Variants in TTC6 observed in about 807,000 individuals in gnomAD.
TTC6 encodes the protein tetratricopeptide repeat domain 6.
A neutral mutation model predicts 210.4 loss-of-function variants in TTC6; 172 were observed. The ratio of observed to expected loss-of-function variants is 0.82; its 90% CI spans 0.72 to 0.93. The LOEUF (loss-of-function observed/expected upper bound fraction) is 0.93, where lower values mean the gene tolerates loss of function less well. Among genes scored for constraint, TTC6 ranks in the 40% least tolerant of loss-of-function variants. The pLI is 0.00. For synonymous variants in TTC6, 804 were observed against 819.6 expected (o/e 0.98, Z 0.32); for missense variants, 2,414 against 2,318.1 (o/e 1.04, Z -0.85).
At position 37,735,982 on chromosome 14, in the gene TTC6, T is replaced by C. The variant is rs868256388; in HGVS notation, c.1880T>C (p.Leu627Ser). Residue 627 changes from leucine to serine, a missense_variant, in exon 8 of 31, where the codon TTA becomes TCA. Transcript: ENST00000553443. ...TCATATAAAAGCAGTGTCATTACTT[T>C]ACATCAACATAGCAGAACAAATTTT... is the stretch of plus-strand genomic sequence containing the variant. 30 of 1,533,854 alleles carry C rather than the reference T, an allele frequency of 2.0e-5. No individual in the cohort carries two copies. In the African/African-American group the frequency reaches 2.9e-4, roughly 15 times the overall value.
chr14:37,624,918 G>C (rs2095657722), intron 1 of TTC6, among the ~76,000 whole-genome samples: 1 of 152,006 alleles, frequency 6.6e-6, no homozygotes, highest in Non-Finnish European at 1.5e-5. Context: ...ACTGCGCCCG[G>C]CCCCACTTGT....
chr14:37,805,803 C>T (rs745460662), intron 21 of TTC6, among the ~76,000 whole-genome samples: 12 of 152,186 alleles, frequency 7.9e-5, no homozygotes, highest in African/African-American at 1.4e-4. Flanking sequence ...CAGTTTCAAG[C>T]GATTCTCCTG....
chr14:37,837,292 T>A (rs1010030597), intron 29 of TTC6: 2 of 399,558 alleles, frequency 5.0e-6, no homozygotes, highest in Non-Finnish European at 9.9e-6. Context: ...AATTTATTGG[T>A]GAATTAAAAT....
chr14:37,723,467 T>C (rs754188464), intron 6 of TTC6, among the ~76,000 whole-genome samples: 8 of 152,206 alleles, frequency 5.3e-5, no homozygotes, highest in Non-Finnish European at 1.0e-4. Context: ...ATATGAGTTC[T>C]TACTGATGCA....
At chr14:37,643,357 A>G (rs2095695757) in intron 1 of TTC6, among the ~76,000 whole-genome samples, 2 of 152,084 alleles carry the variant, frequency 1.3e-5, no homozygotes, top group South Asian at 4.1e-4. Context: ...AAAACAAACA[A>G]AAAAGAATTC....
At chr14:37,622,186 C>T (rs942876543) in exon 1 of TTC6, 1 of 1,535,564 alleles carries the variant, frequency 6.5e-7, no homozygotes, top group Admixed American at 2.0e-5. Flanking sequence ...CAGAAGTTGG[C>T]CTCCAAGCCG....
At chr14:37,792,282 T>C in exon 17 of TTC6, 2 of 1,515,134 alleles carry the variant, frequency 1.3e-6, no homozygotes, top group Non-Finnish European at 1.8e-6. Context: ...CTTTGGCTTA[T>C]GTAAATATTG....
intron 20 of TTC6, among the ~76,000 whole-genome samples, chr14:37,800,685 CAGT>C (rs1466217594): frequency 6.6e-6 from 1 of 152,122 alleles, no homozygotes; most frequent in East Asian, 1.9e-4. Context: ...GGCATCTCAG[CAGT>C]AGGCCGAAGT....
rs559109773 is a variant in TTC6, at chr14:37,695,349, A to T, written c.1258-1368A>T. On this transcript the variant is annotated intron_variant, in intron 3 of 30. Coordinates refer to ENST00000553443, the Ensembl canonical transcript of TTC6. The stretch of plus-strand genomic sequence containing the variant: ...CACAACAGGGTGACTATAGTCAGTA[A>T]TTATTTATTTATTTATTTATTTGAG... Among the ~76,000 whole-genome samples the T allele has an allele frequency of 4.4e-4, 67 of 151,878 alleles. 2 individuals are homozygous for T. Among genetic ancestry groups the T allele is most frequent in the Admixed American group, 3.6e-3 (55 of 15,226 alleles).
chr14:37,768,652 G>C (rs2096007223), intron 14 of TTC6, among the ~76,000 whole-genome samples: 2 of 150,528 alleles, frequency 1.3e-5, no homozygotes, highest in African/African-American at 4.9e-5. Context: ...CATTGATTTT[G>C]TATCCTGAGA....
At chr14:37,830,222 C>A (rs895782173) in intron 29 of TTC6, among the ~76,000 whole-genome samples, 1 of 152,006 alleles carries the variant, frequency 6.6e-6, no homozygotes, top group Non-Finnish European at 1.5e-5. Context: ...TGATGCAAAA[C>A]GGATTTTCTT....
chr14:37,651,398 TATATATATATATATATATATATATATA>T (rs1484098155), intron 1 of TTC6, among the ~76,000 whole-genome samples: 1 of 19,382 alleles, frequency 5.2e-5, no homozygotes, highest in African/African-American at 3.0e-4. Flanking sequence ...TATATATATA[TATATATATATATATATATATATATATA>T]TTTTTTTTTT....
At chr14:37,781,808 G>T (rs1162979963) in intron 14 of TTC6, among the ~76,000 whole-genome samples, 1 of 152,146 alleles carries the variant, frequency 6.6e-6, no homozygotes, top group Non-Finnish European at 1.5e-5. Flanking sequence ...TTTGTATAAG[G>T]TGTAAGGAAG....
At chr14:37,766,901 C>G (rs999228493) in intron 14 of TTC6, among the ~76,000 whole-genome samples, 2 of 152,122 alleles carry the variant, frequency 1.3e-5, no homozygotes, top group African/African-American at 4.8e-5. Context: ...ACTGCACCCA[C>G]TAACTCGTCA....
At chr14:37,762,821 T>C (rs1478933806) in intron 14 of TTC6, among the ~76,000 whole-genome samples, 2 of 152,148 alleles carry the variant, frequency 1.3e-5, no homozygotes, top group African/African-American at 4.8e-5. Context: ...CTTGTGTTAC[T>C]AGGATTAATC....
intron 30 of TTC6, 72 bp from the exon 33 acceptor site, chr14:37,842,081 ATT>A: frequency 7.8e-7 from 1 of 1,288,606 alleles, no homozygotes; most frequent in Non-Finnish European, 1.0e-6. Flanking sequence ...TTCTTATCCA[ATT>A]TTTTTTTGTA....
Position 37,631,543 on chromosome 14 carries a change from C to T in TTC6, c.939+8540C>T, listed in dbSNP as rs185437954. On this transcript the variant is annotated intron_variant, in intron 1 of 30. Transcript: ENST00000553443. ...AACCTTTCTGTCTGGCTGCCCTTAA[C>T]ATTTTTTCCTTCATTTCAACCTTGA... 2.6e-5 allele frequency among the ~76,000 whole-genome samples: 4 copies of T among 152,298 alleles called. No homozygotes were observed. In the East Asian group the frequency reaches 7.7e-4, roughly 29 times the overall value.
intron 6 of TTC6, among the ~76,000 whole-genome samples, chr14:37,716,802 C>A (rs1411916370): frequency 6.6e-6 from 1 of 152,024 alleles, no homozygotes; most frequent in Non-Finnish European, 1.5e-5. Flanking sequence ...CCTCATCAAC[C>A]AGTAGGTTCC....
At chr14:37,714,705 T>C in exon 6 of TTC6, 1 of 1,535,664 alleles carries the variant, frequency 6.5e-7, no homozygotes, top group Non-Finnish European at 8.7e-7. Flanking sequence ...TATGTCCATA[T>C]TCCTCCGACA....
Sources: allele counts gnomAD v4.1 joint callset (sites outside exome capture counted in the v4.1 genomes callset), GRCh38; gene constraint gnomAD v4.1.1; transcripts MANE v1.5; gene names NCBI Gene and HGNC (gene_info 2026-07-23, HGNC 2026-07-21).